The following ATXN2 variants were observed in gnomAD, a reference collection of about 807,000 sequenced individuals.
The protein encoded by ATXN2 is ataxin-2.
Under a neutral mutation model 138.6 loss-of-function variants are expected in ATXN2, and 37 were observed. The ratio of observed to expected loss-of-function variants is 0.27; its 90% CI spans 0.21 to 0.35. ATXN2 has a LOEUF of 0.35. ATXN2 is among the 10% of genes least tolerant of loss of function. ATXN2 has a pLI of 1.00. For missense variants in ATXN2, 1,216 were observed against 1,480.3 expected, an observed-to-expected ratio of 0.82 and a Z score of 2.93; for synonymous variants, 549 against 543.7, an observed-to-expected ratio of 1.01 and a Z score of -0.13.
chr12:111,487,313 T>A (rs1877709999), intron 15 of ATXN2, among the ~76,000 whole-genome samples: 1 of 152,100 alleles, frequency 6.6e-6, no homozygotes, highest in South Asian at 2.1e-4. Context: ...CCTTAAGTGA[T>A]CTGCCTGACT....
chr12:111,475,872 G>A (rs1220221991), intron 18 of ATXN2, among the ~76,000 whole-genome samples: 2 of 152,100 alleles, frequency 1.3e-5, no homozygotes, highest in East Asian at 3.8e-4. Flanking sequence ...AAAGACACTT[G>A]TTATATGATA....
intron 1 of ATXN2, among the ~76,000 whole-genome samples, chr12:111,574,096 T>A (rs911282540): frequency 6.6e-6 from 1 of 151,646 alleles, no homozygotes; most frequent in East Asian, 1.9e-4. Flanking sequence ...GGCAGACAGA[T>A]CATGAGGTCG....
chr12:111,518,332 G>A lies in ATXN2; in HGVS notation c.1082C>T (p.Ser361Leu), dbSNP rs755386197. The change falls in exon 9 of 25, where the codon TCG (serine) becomes TTG (leucine). Residue 361 changes from serine to leucine, a missense_variant. This residue lies in a region of ATXN2 where 401 missense variants were observed against 528.1 expected (regional missense o/e 0.76). Coordinates refer to ENST00000673436, the MANE Select transcript of ATXN2 (RefSeq NM_001372574.1). Reference sequence around the variant, plus strand: ...AGTGGATCTTGATGGCATGGAGCCCGATCCAGGCTGGCCCATACGCGGTGA... The same window carrying A: ...AGTGGATCTTGATGGCATGGAGCCCAATCCAGGCTGGCCCATACGCGGTGA... ...QNSPRMGQPGSGSMPSRSTSH... is the reference protein window; with the variant it reads ...QNSPRMGQPGLGSMPSRSTSH... 1.1e-5 allele frequency: 18 copies of A among 1,613,294 alleles called. No homozygotes were observed. Among genetic ancestry groups the A allele is most frequent in the Admixed American group, 3.3e-5 (2 of 60,006 alleles).
At chr12:111,523,878 C>T (rs562195817) in intron 6 of ATXN2, among the ~76,000 whole-genome samples, 2 of 150,846 alleles carry the variant, frequency 1.3e-5, no homozygotes, top group South Asian at 4.2e-4. Context: ...CCCTGGGCAA[C>T]ATGGTAAAAC....
intron 1 of ATXN2, among the ~76,000 whole-genome samples, chr12:111,588,188 A>AAAATAAAT (rs34646187): frequency 0.044 from 6,568 of 148,940 alleles, 463 homozygotes; most frequent in African/African-American, 0.14. Context: ...TCCTATCACA[A>AAAATAAAT]AAATAAATAA....
intron 1 of ATXN2, among the ~76,000 whole-genome samples, chr12:111,565,278 C>T (rs578173928): frequency 5.9e-4 from 90 of 152,062 alleles, no homozygotes; most frequent in Non-Finnish European, 1.1e-3. Context: ...ACAAGCTGAC[C>T]GTCTGTGGAA....
rs1441910793 is a variant in ATXN2, at chr12:111,599,190, G to A, written c.-156C>T. The A allele has an allele frequency of 8.3e-7, 1 of 1,204,486 alleles. No individual in the cohort carries two copies. The highest frequency in any genetic ancestry group is 3.5e-5 in the East Asian group (1 of 28,556). The allele number at this position is 1,204,486 out of a possible 1,614,324, so 74.6% of individuals were successfully genotyped here. On this transcript the variant is annotated 5_prime_UTR_variant, in exon 1 of 25. Coordinates refer to ENST00000673436, the MANE Select transcript of ATXN2 (RefSeq NM_001372574.1). ...GGGGCGCCCGGGCTGGCGAGGGGGA[G>A]AAGGAGGACGACGAAGGGGCGGGGA...
chr12:111,510,363 C>A, intron 12 of ATXN2, 22 bp downstream of exon 12: 1 of 1,605,796 alleles, frequency 6.2e-7, no homozygotes, highest in Middle Eastern at 1.7e-4. Flanking sequence ...GATTATGGAT[C>A]CAGAAGCCCT....
intron 21 of ATXN2, 79 bp downstream of exon 21, chr12:111,464,583 A>G: frequency 9.4e-7 from 1 of 1,069,488 alleles, no homozygotes. Flanking sequence ...ATTGTTCAAC[A>G]AGTCTACTCC....
chr12:111,546,497 T>A (rs919486187), intron 5 of ATXN2, among the ~76,000 whole-genome samples: 1 of 152,144 alleles, frequency 6.6e-6, no homozygotes, highest in Non-Finnish European at 1.5e-5. Flanking sequence ...TGCTGACCCC[T>A]ATCATCTAGG....
chr12:111,518,427 C>A lies in ATXN2; in HGVS notation c.987G>T (p.Arg329Ser). The A allele has an allele frequency of 6.3e-7, 1 of 1,592,472 alleles. No homozygotes were observed. Among genetic ancestry groups the A allele is most frequent in the Non-Finnish European group, 8.6e-7 (1 of 1,167,278 alleles). The part of the protein sequence containing the change: ...SEREGHSINT[R>S]ENKYIPPGQR... ...GTCCAGGAGGAATATATTTATTTTC[C>A]CTGAAAATGAGAGATCCTCTAAATC... The change falls in exon 9 of 25, where the codon AGG (arginine) becomes AGT (serine). Residue 329 changes from arginine (R) to serine (S), a missense_variant and splice_region_variant. By Grantham distance (110) the Arg-to-Ser change is moderately radical (BLOSUM62 -1). Transcript: ENST00000673436.
chr12:111,490,604 C>A (rs902224188), intron 14 of ATXN2, among the ~76,000 whole-genome samples: 1 of 152,036 alleles, frequency 6.6e-6, no homozygotes, highest in Admixed American at 6.6e-5. Flanking sequence ...ACAAGGAGCA[C>A]CAAATTGAAC....
At chr12:111,495,697 A>G (rs777501693) in intron 14 of ATXN2, among the ~76,000 whole-genome samples, 1 of 152,228 alleles carries the variant, frequency 6.6e-6, no homozygotes, top group Admixed American at 6.5e-5. Context: ...CAGAAAATCA[A>G]CAAAGAAACA....
intron 5 of ATXN2, among the ~76,000 whole-genome samples, chr12:111,550,449 G>A (rs935688971): frequency 6.6e-6 from 1 of 152,142 alleles, no homozygotes; most frequent in Non-Finnish European, 1.5e-5. Context: ...GTATCCAATA[G>A]AGTAGGGAAC....
intron 18 of ATXN2, among the ~76,000 whole-genome samples, chr12:111,472,469 A>G (rs1376507294): frequency 6.6e-6 from 1 of 152,238 alleles, no homozygotes; most frequent in Non-Finnish European, 1.5e-5. Context: ...AGAAGATGCA[A>G]TGGAAGAGAA....
Position 111,516,422 on chromosome 12 carries a change from A to C in ATXN2, c.1166-59T>G. The stretch of plus-strand genomic sequence containing the variant: ...AAACTAAAGAAAAAAATGAGGGAAA[A>C]AAGTAAACAGAAAAAAAGTAAAATG... On this transcript the variant is annotated intron_variant, in intron 9 of 24. Coordinates refer to ENST00000673436, the MANE Select transcript of ATXN2 (RefSeq NM_001372574.1). This position sits in a 1 kb window ranked among gnomAD's most constrained non-coding sequence, Gnocchi z 5.0. 4.4e-5 allele frequency: 61 copies of C among 1,389,198 alleles called. No individual in the cohort carries two copies. The highest frequency in any genetic ancestry group is 5.4e-5 in the Non-Finnish European group (55 of 1,021,070). 86.1% of individuals were successfully genotyped at this position (1,389,198 alleles called of 1,614,324 possible). A position where few individuals can be genotyped will look rare whatever the true frequency, so the allele number is the denominator to read the frequency against.
chr12:111,562,062 C>T (rs532419687), intron 1 of ATXN2, among the ~76,000 whole-genome samples: 2 of 151,852 alleles, frequency 1.3e-5, no homozygotes, highest in South Asian at 2.1e-4. Flanking sequence ...CCACCCACCT[C>T]GGCCTTCCAA....
At chr12:111,503,636 C>T (rs1006900622) in intron 14 of ATXN2, among the ~76,000 whole-genome samples, 1 of 150,840 alleles carries the variant, frequency 6.6e-6, no homozygotes, top group African/African-American at 2.4e-5. Flanking sequence ...GATTCTCGCT[C>T]TGTCGCCCAC....
chr12:111,515,227 C>T (rs1356521258), intron 10 of ATXN2, among the ~76,000 whole-genome samples: 2 of 152,148 alleles, frequency 1.3e-5, no homozygotes, highest in African/African-American at 2.4e-5. Flanking sequence ...AGGAGAAACA[C>T]ATTTTGTGCG....
Sources: allele counts gnomAD v4.1 joint callset (sites outside exome capture counted in the v4.1 genomes callset), GRCh38; gene constraint gnomAD v4.1.1; regional missense constraint gnomAD v4.1.1; non-coding constraint Gnocchi (gnomAD v3.1); transcripts MANE v1.5; gene names NCBI Gene and HGNC (gene_info 2026-07-23, HGNC 2026-07-21).